DHTKD1: variants seen among roughly 807,000 people sequenced by gnomAD.
DHTKD1 encodes the protein dehydrogenase E1 and transketolase domain containing 1, also known as 2-oxoadipate dehydrogenase complex component E1.
Under a neutral mutation model 101.8 loss-of-function variants are expected in DHTKD1, and 78 were observed. The observed-to-expected ratio is 0.77, with a 90% CI of 0.64 to 0.93. The LOEUF is 0.93. Ranked by LOEUF, DHTKD1 falls within the 40% of genes least tolerant of loss-of-function variation. The probability of loss-of-function intolerance (pLI) is 0.00; values close to 1 mark genes in which losing one functional copy is unlikely to be tolerated. For synonymous variants in DHTKD1, 462 were observed against 450.3 expected, an observed-to-expected ratio of 1.03 and a Z score of -0.33; for missense variants, 1,223 against 1,161.7, an observed-to-expected ratio of 1.05 and a Z score of -0.77.
At chr10:12,094,705 C>G (rs1232519605) in intron 7 of DHTKD1, among the ~76,000 whole-genome samples, 2 of 152,118 alleles carry the variant, frequency 1.3e-5, no homozygotes, top group African/African-American at 4.8e-5. Context: ...ACAGTCTTGG[C>G]TCACTGCAAC....
At chr10:12,074,990 G>T (rs914967418) in intron 1 of DHTKD1, among the ~76,000 whole-genome samples, 1 of 152,074 alleles carries the variant, frequency 6.6e-6, no homozygotes, top group Non-Finnish European at 1.5e-5. Context: ...GCCGGGTGTG[G>T]TCGCATGTGC....
intron 8 of DHTKD1, among the ~76,000 whole-genome samples, chr10:12,099,039 G>T (rs975327667): frequency 1.3e-5 from 2 of 151,970 alleles, no homozygotes; most frequent in African/African-American, 2.4e-5. Flanking sequence ...GCATGGTGGC[G>T]CATGCCTGTA....
chr10:12,070,165 G>T (rs1300935641), intron 1 of DHTKD1, among the ~76,000 whole-genome samples: 1 of 152,030 alleles, frequency 6.6e-6, no homozygotes, highest in African/African-American at 2.4e-5. Flanking sequence ...ATGTGCTGGT[G>T]GTTTTAATGA....
At chr10:12,078,289 G>A (rs1290092874) in intron 1 of DHTKD1, among the ~76,000 whole-genome samples, 1 of 152,084 alleles carries the variant, frequency 6.6e-6, no homozygotes, top group African/African-American at 2.4e-5. Flanking sequence ...GCCAGGTGTG[G>A]TGGCACGTGC....
rs959566404 is a variant in DHTKD1 at position 12,068,979 on chromosome 10, G to T, written c.-55G>T. The T allele has an allele frequency of 2.5e-6, 4 of 1,602,798 alleles. No homozygotes were observed. The highest frequency in any genetic ancestry group is 3.7e-4 in the Middle Eastern group (2 of 5,396). ...GACGAGTCCCGGATTTACCAGGGCC[G>T]GTGGGATCCCCTCGGGCTCCCGCCT... On this transcript the variant is annotated 5_prime_UTR_variant, in exon 1 of 17. Coordinates refer to ENST00000263035, the MANE Select transcript of DHTKD1 (RefSeq NM_018706.7).
Position 12,087,987 on chromosome 10 carries a change from C to A in DHTKD1, c.717+258C>A, listed in dbSNP as rs1396030532. Among the ~76,000 whole-genome samples, 1 of 152,172 alleles carries A rather than the reference C, an allele frequency of 6.6e-6. No homozygotes were observed. Among genetic ancestry groups the A allele is most frequent in the Admixed American group, 6.6e-5 (1 of 15,262 alleles). On this transcript the variant is annotated intron_variant, in intron 4 of 16. Coordinates refer to ENST00000263035, the MANE Select transcript of DHTKD1 (RefSeq NM_018706.7). The surrounding 1 kb of genome is among the most constrained non-coding windows in gnomAD (Gnocchi z 5.2). ...AGTTAGCCAAGCATGGTGGCACGCACCCGTGTTCCCAGCTACTCAGGAGAC... is the reference window on the plus strand; with the variant it reads ...AGTTAGCCAAGCATGGTGGCACGCAACCGTGTTCCCAGCTACTCAGGAGAC...
intron 15 of DHTKD1, among the ~76,000 whole-genome samples, chr10:12,119,595 G>A (rs1168861112): frequency 8.0e-5 from 11 of 137,900 alleles, no homozygotes; most frequent in East Asian, 2.1e-4. Context: ...CAGCCTGGGC[G>A]ACAGAGCGAG....
intron 10 of DHTKD1, among the ~76,000 whole-genome samples, chr10:12,102,380 C>A (rs934702484): frequency 3.5e-5 from 5 of 144,750 alleles, no homozygotes; most frequent in Non-Finnish European, 4.5e-5. Context: ...GCCGAGAACA[C>A]ACCACTGCAC....
At chr10:12,093,530 C>T (rs1833023511) in intron 6 of DHTKD1, among the ~76,000 whole-genome samples, 1 of 152,168 alleles carries the variant, frequency 6.6e-6, no homozygotes, top group East Asian at 1.9e-4. Flanking sequence ...TACCCATTCC[C>T]AGTTTCACAG....
At position 12,085,884 on chromosome 10, in the gene DHTKD1, C is replaced by A. The variant is rs373920731; in HGVS notation, c.522+1133C>A. ...TAAGATTGCACCACTGTACTCCAGT[C>A]TGGGCAACAGAGCAAGACTCTGTCC... On this transcript the variant is annotated intron_variant, in intron 3 of 16. Coordinates refer to ENST00000263035, the MANE Select transcript of DHTKD1 (RefSeq NM_018706.7). Among the ~76,000 whole-genome samples, 9 of 152,234 alleles carry A rather than the reference C, an allele frequency of 5.9e-5. No individual in the cohort carries two copies. In the East Asian group the frequency reaches 1.7e-3, roughly 29 times the overall value.
At chr10:12,119,620 A>G (rs1425620176) in intron 15 of DHTKD1, among the ~76,000 whole-genome samples, 2 of 150,216 alleles carry the variant, frequency 1.3e-5, no homozygotes, top group African/African-American at 4.9e-5. Context: ...CGTCTCAAAA[A>G]AAAAAAAAAA....
intron 2 of DHTKD1, among the ~76,000 whole-genome samples, chr10:12,084,333 T>C (rs912725794): frequency 3.3e-5 from 5 of 151,826 alleles, no homozygotes; most frequent in African/African-American, 9.7e-5. Context: ...TTTTTTTAAA[T>C]ATGAAAATTT....
chr10:12,081,755 C>A, intron 2 of DHTKD1, 128 bp downstream of exon 2: 1 of 986,826 alleles, frequency 1.0e-6, no homozygotes, highest in Non-Finnish European at 1.5e-6. Flanking sequence ...ACCCGAGGGG[C>A]ATGTTGAAGT....
intron 1 of DHTKD1, among the ~76,000 whole-genome samples, chr10:12,077,201 A>G (rs1832746801): frequency 6.6e-6 from 1 of 150,654 alleles, no homozygotes; most frequent in Non-Finnish European, 1.5e-5. Context: ...TGCATGCTTT[A>G]TATGTTGTGG....
chr10:12,069,451 G>C (rs936562524), intron 1 of DHTKD1, among the ~76,000 whole-genome samples: 6 of 151,966 alleles, frequency 3.9e-5, no homozygotes, highest in African/African-American at 1.4e-4. Flanking sequence ...ACCTGGTTTC[G>C]GAAGGGCTTT....
rs1417151136 is a variant in DHTKD1 at position 12,091,552 on chromosome 10, C to G, written c.1027C>G (p.Pro343Ala). ...DASFCGQGIV[P>A]ETFTLSNLPH... Reference sequence around the variant, plus strand: ...TTCTTTCTGTGGTCAAGGGATTGTTCCTGAAACATTCACGCTGTCCAATCT... The same window carrying G: ...TTCTTTCTGTGGTCAAGGGATTGTTGCTGAAACATTCACGCTGTCCAATCT... The change falls in exon 6 of 17, where the codon CCT becomes GCT. Residue 343 changes from proline (P) to alanine (A), a missense_variant. Coordinates refer to ENST00000263035, the MANE Select transcript of DHTKD1 (RefSeq NM_018706.7). 1 of 1,612,142 alleles carries G rather than the reference C, an allele frequency of 6.2e-7. No homozygotes were observed. Among genetic ancestry groups the G allele is most frequent in the African/African-American group, 1.3e-5 (1 of 74,892 alleles).
At chr10:12,086,777 G>A (rs1199902162) in intron 3 of DHTKD1, among the ~76,000 whole-genome samples, 6 of 152,016 alleles carry the variant, frequency 3.9e-5, no homozygotes, top group South Asian at 2.1e-4. Context: ...TGCAACCTCC[G>A]CCTCCTGGAC....
chr10:12,081,433 C>A (rs753774167), intron 1 of DHTKD1, 39 bp from the exon 2 acceptor site: 2 of 1,588,788 alleles, frequency 1.3e-6, no homozygotes, highest in Admixed American at 3.3e-5. Flanking sequence ...GTAGTCATCT[C>A]CTAAACTGTT....
chr10:12,116,043 G>A (rs1279138765), intron 13 of DHTKD1, among the ~76,000 whole-genome samples: 2 of 150,870 alleles, frequency 1.3e-5, no homozygotes, highest in Admixed American at 6.7e-5. Context: ...CAATTCTCCT[G>A]CCTCAGCCTC....
Sources: gnomAD v4.1 joint callset for allele counts (sites outside exome capture counted in the v4.1 genomes callset) on GRCh38, gnomAD v4.1.1 for gene constraint, Gnocchi (gnomAD v3.1) non-coding constraint, MANE v1.5 for transcripts, NCBI Gene and HGNC (gene_info 2026-07-23, HGNC 2026-07-21) for gene names.